DIAPH3: variants seen among roughly 807,000 people sequenced by gnomAD.
The protein encoded by DIAPH3 is diaphanous related formin 3.
Under a neutral mutation model 144.3 loss-of-function variants are expected in DIAPH3, and 117 were observed. The observed-to-expected ratio is 0.81, with a 90% CI of 0.70 to 0.95. DIAPH3 has a LOEUF of 0.95. Ranked by LOEUF, DIAPH3 falls within the 40% of genes least tolerant of loss-of-function variation. The probability of loss-of-function intolerance (pLI) is 0.00; values close to 1 mark genes in which losing one functional copy is unlikely to be tolerated. For missense variants in DIAPH3, 1,421 were observed against 1,412.7 expected, an observed-to-expected ratio of 1.01 and a Z score of -0.09; for synonymous variants, 519 against 488.9, an observed-to-expected ratio of 1.06 and a Z score of -0.81.
intron 9 of DIAPH3, among the ~76,000 whole-genome samples, chr13:60,004,652 A>C (rs542569869): frequency 6.6e-6 from 1 of 152,208 alleles, no homozygotes; most frequent in African/African-American, 2.4e-5. Context: ...TAACCTGAAC[A>C]TATCAGAAAA....
intron 20 of DIAPH3, among the ~76,000 whole-genome samples, chr13:59,883,512 T>C (rs1185323313): frequency 1.3e-5 from 2 of 152,214 alleles, no homozygotes; most frequent in Admixed American, 6.5e-5. Context: ...TCTAACAGTA[T>C]AGTAACCTGC....
chr13:60,036,269 A>G (rs7139606), intron 5 of DIAPH3, among the ~76,000 whole-genome samples: 10,566 of 152,302 alleles, frequency 0.069, 407 homozygotes, highest in Admixed American at 0.11. Flanking sequence ...TGTAGTTAAT[A>G]TATCAAAGAA....
chr13:60,085,178 T>C (rs984460243), intron 4 of DIAPH3, among the ~76,000 whole-genome samples: 13 of 152,110 alleles, frequency 8.5e-5, no homozygotes, highest in African/African-American at 2.9e-4. Context: ...TCTGTTACAA[T>C]AGTTAACCTT....
intron 17 of DIAPH3, among the ~76,000 whole-genome samples, chr13:59,958,735 G>A (rs1288211309): frequency 4.0e-5 from 6 of 151,450 alleles, no homozygotes; most frequent in Non-Finnish European, 7.4e-5. Context: ...AAAAGGAAGG[G>A]GAAAAAATCT....
In DIAPH3 at chr13:60,093,680, A is replaced by C. The variant is rs766758913; in HGVS notation, c.443T>G (p.Phe148Cys). The stretch of plus-strand genomic sequence containing the variant: ...CATCACCATTTCTTTTTTGATACTG[A>C]AGTCCTTTTCCCGCAATGGTGCCTT... ...DKKAPLREKD[F>C]SIKKEMVMQY... The change falls in exon 4 of 28, where the codon TTC (phenylalanine) becomes TGC (cysteine). Residue 148 changes from phenylalanine to cysteine, a missense_variant. Phe to Cys is a radical substitution (Grantham distance 205, BLOSUM62 -2). Transcript: ENST00000400324. 5.0e-6 allele frequency: 8 copies of C among 1,612,972 alleles called. No homozygotes were observed. The East Asian group carries it at 1.8e-4, about 36-fold the overall frequency.
chr13:59,729,621 A>G (rs2138969142), intron 27 of DIAPH3, among the ~76,000 whole-genome samples: 2 of 152,160 alleles, frequency 1.3e-5, no homozygotes, highest in South Asian at 2.1e-4. Context: ...AAAGACCTAT[A>G]TACAAATACA....
intron 25 of DIAPH3, among the ~76,000 whole-genome samples, chr13:59,787,019 C>G (rs376174625): frequency 6.6e-6 from 1 of 151,958 alleles, no homozygotes; most frequent in Non-Finnish European, 1.5e-5. Flanking sequence ...GGGGATCACT[C>G]GAGCCCAGGA....
chr13:60,084,063 A>AGAT (rs2057670765), intron 4 of DIAPH3, among the ~76,000 whole-genome samples: 19 of 149,250 alleles, frequency 1.3e-4, no homozygotes, highest in Admixed American at 6.0e-4. Flanking sequence ...GATAGATAGA[A>AGAT]AGAATAAACT....
At chr13:59,727,204 C>G (rs895764219) in intron 27 of DIAPH3, among the ~76,000 whole-genome samples, 1 of 152,086 alleles carries the variant, frequency 6.6e-6, no homozygotes, top group East Asian at 1.9e-4. Flanking sequence ...GTGGTCAAAT[C>G]CAGGCTACAG....
At chr13:59,907,663 A>G (rs931448579) in intron 20 of DIAPH3, among the ~76,000 whole-genome samples, 1 of 152,202 alleles carries the variant, frequency 6.6e-6, no homozygotes, top group Non-Finnish European at 1.5e-5. Context: ...ACACCTTGAG[A>G]GCTATCCTGA....
At chr13:59,831,934 C>T (rs936975009) in intron 24 of DIAPH3, among the ~76,000 whole-genome samples, 1 of 151,746 alleles carries the variant, frequency 6.6e-6, no homozygotes, top group Non-Finnish European at 1.5e-5. Flanking sequence ...AAGGAATTCA[C>T]ATTACTTTTT....
intron 27 of DIAPH3, 34 bp downstream of exon 27, chr13:59,774,155 G>C: frequency 1.2e-6 from 2 of 1,602,594 alleles, no homozygotes; most frequent in Non-Finnish European, 8.5e-7. Context: ...AAGTAGATAA[G>C]AAGAATGTGC....
chr13:59,992,444 T>C (rs2051886385), intron 10 of DIAPH3, 29 bp downstream of exon 10: 2 of 1,531,458 alleles, frequency 1.3e-6, no homozygotes, highest in Non-Finnish European at 1.8e-6. Context: ...TTAATTTAAA[T>C]ATTAATAAGG....
chr13:60,012,189 T>C (rs537179409), intron 7 of DIAPH3, among the ~76,000 whole-genome samples: 7 of 152,314 alleles, frequency 4.6e-5, no homozygotes, highest in African/African-American at 1.7e-4. Context: ...CTTTCCTATC[T>C]TGTATATGGC....
intron 17 of DIAPH3, among the ~76,000 whole-genome samples, chr13:59,966,865 T>C (rs1185395796): frequency 6.6e-6 from 1 of 152,136 alleles, no homozygotes; most frequent in African/African-American, 2.4e-5. Context: ...ATACACCATT[T>C]CTCTAAAAAA....
chr13:59,838,988 GT>G lies in DIAPH3; in HGVS notation c.2862+335del, dbSNP rs969382474. The G allele has an allele frequency of 2.3e-5, 6 of 260,114 alleles. No homozygotes were observed. In the Admixed American group the frequency reaches 2.4e-4, roughly 10 times the overall value. 16.1% of individuals were successfully genotyped at this position (260,114 alleles called of 1,614,324 possible). ...TAGCTGGGCATGGTGGTGCGTGCCTGTAGGCCCAGCTACTTGAGAGACTGAG... is the reference window on the plus strand; with the variant it reads ...TAGCTGGGCATGGTGGTGCGTGCCTGAGGCCCAGCTACTTGAGAGACTGAG... On this transcript the variant is annotated intron_variant, in intron 23 of 27. Transcript: ENST00000400324.
At chr13:59,827,960 T>C (rs957544645) in intron 24 of DIAPH3, among the ~76,000 whole-genome samples, 1 of 152,044 alleles carries the variant, frequency 6.6e-6, no homozygotes, top group Non-Finnish European at 1.5e-5. Context: ...ATGATATCAT[T>C]TGCTAATAAC....
At chr13:59,766,729 T>C (rs1487125352) in intron 27 of DIAPH3, among the ~76,000 whole-genome samples, 1 of 151,694 alleles carries the variant, frequency 6.6e-6, no homozygotes, top group African/African-American at 2.4e-5. Flanking sequence ...GCTCATTAAA[T>C]CACAAACCAT....
At position 60,061,537 on chromosome 13, in the gene DIAPH3, T is replaced by A. The variant is rs1157685055; in HGVS notation, c.496-18717A>T. On this transcript the variant is annotated intron_variant, in intron 4 of 27. Transcript: ENST00000400324. ...ATCTTCTCAGTTCTACCATAACATT[T>A]AAAAAAAAAAAAATCAAGAAAGAAA... Among the ~76,000 whole-genome samples the A allele has an allele frequency of 1.3e-4, 19 of 145,538 alleles. No homozygotes were observed. The East Asian group carries it at 2.6e-3, about 20-fold the overall frequency.
Sources: allele counts gnomAD v4.1 joint callset (sites outside exome capture counted in the v4.1 genomes callset), GRCh38; gene constraint gnomAD v4.1.1; transcripts MANE v1.5; gene names NCBI Gene and HGNC (gene_info 2026-07-23, HGNC 2026-07-21).